The following IL1R1 variants were observed in gnomAD, a reference collection of about 807,000 sequenced individuals.
IL1R1 encodes interleukin 1 receptor type 1, also known as interleukin-1 receptor type 1.
Under a neutral mutation model 50.2 loss-of-function variants are expected in IL1R1, and 22 were observed. The ratio of observed to expected loss-of-function variants is 0.44; its 90% CI spans 0.31 to 0.63. The LOEUF is 0.63. IL1R1 is among the 20% of genes least tolerant of loss of function. The pLI, the probability that IL1R1 is intolerant of heterozygous loss-of-function variation, is 0.07. For synonymous variants in IL1R1, 251 were observed against 236.7 expected (o/e 1.06, Z -0.55); for missense variants, 509 against 676.2 (o/e 0.75, Z 2.74).
At position 102,173,014 on chromosome 2, in the gene IL1R1, G is replaced by T. The variant is rs772104184; in HGVS notation, c.991+176G>T. Among the ~76,000 whole-genome samples the T allele has an allele frequency of 1.3e-3, 200 of 152,206 alleles. 1 individual carries two copies. Among genetic ancestry groups the T allele is most frequent in the Non-Finnish European group, 2.4e-3 (166 of 68,014 alleles). ...ACTCTCTCTTCTTGGAAGCTTTTCT[G>T]TCCTGCTGCCTGCCCTTAACCCAGC... On this transcript the variant is annotated intron_variant, in intron 9 of 11. Coordinates refer to ENST00000410023, the MANE Select transcript of IL1R1 (RefSeq NM_000877.4).
At chr2:102,166,004 T>G (rs373472011) in intron 5 of IL1R1, 109 bp from the exon 6 acceptor site, 1 of 908,150 alleles carries the variant, frequency 1.1e-6, no homozygotes, top group Non-Finnish European at 1.7e-6. Context: ...CCAGTCACTT[T>G]CTAAAAATAT....
intron 3 of IL1R1, among the ~76,000 whole-genome samples, chr2:102,161,304 T>C (rs1368686420): frequency 1.3e-5 from 2 of 152,230 alleles, no homozygotes; most frequent in East Asian, 3.8e-4. Flanking sequence ...AAGTTTTGTC[T>C]AATTTGAATC....
intron 1 of IL1R1, among the ~76,000 whole-genome samples, chr2:102,122,853 A>G (rs1004392846): frequency 1.3e-5 from 2 of 152,210 alleles, no homozygotes; most frequent in Admixed American, 6.5e-5. Context: ...GACTCCATCT[A>G]TAACACATAT....
chr2:102,129,320 A>G (rs1328765717), intron 1 of IL1R1, among the ~76,000 whole-genome samples: 1 of 152,208 alleles, frequency 6.6e-6, no homozygotes, highest in African/African-American at 2.4e-5. Context: ...ACTCCTTCCC[A>G]AAGAAAAGTA....
intron 1 of IL1R1, among the ~76,000 whole-genome samples, chr2:102,135,789 G>C (rs1249786032): frequency 1.3e-5 from 2 of 152,212 alleles, no homozygotes; most frequent in Non-Finnish European, 2.9e-5. Context: ...TCCTATATCT[G>C]TTCTGTCTAA....
upstream of IL1R1, among the ~76,000 whole-genome samples, chr2:102,139,584 T>C (rs1323035960): frequency 2.0e-5 from 3 of 152,270 alleles, no homozygotes; most frequent in African/African-American, 7.2e-5. Context: ...GGGAGTTGTT[T>C]GGATCATGGG....
chr2:102,074,296 C>T (rs1329772213), intron 1 of IL1R1, among the ~76,000 whole-genome samples: 1 of 151,224 alleles, frequency 6.6e-6, no homozygotes, highest in African/African-American at 2.4e-5. Flanking sequence ...CCTGTGGATG[C>T]TTCTTTGGGC....
rs1348896763 is a variant in IL1R1, at chr2:102,176,966, T to C, written c.*207T>C. The C allele has an allele frequency of 7.2e-6, 4 of 555,228 alleles. No homozygotes were observed. The highest frequency in any genetic ancestry group is 1.3e-5 in the Non-Finnish European group (4 of 317,240). The allele number at this position is 555,228 out of a possible 1,614,324, so 34.4% of individuals were successfully genotyped here. A position where few individuals can be genotyped will look rare whatever the true frequency, so the allele number is the denominator to read the frequency against. ...CTTCAGAGTAGAGGGCTTGGGAAGA[T>C]CTTTTAAAAAGGCAGTAGGCCCGGT... On this transcript the variant is annotated 3_prime_UTR_variant, in exon 12 of 12. Transcript: ENST00000410023.
At chr2:102,153,714 C>T (rs1161613923) in intron 1 of IL1R1, among the ~76,000 whole-genome samples, 2 of 152,186 alleles carry the variant, frequency 1.3e-5, no homozygotes, top group Non-Finnish European at 2.9e-5. Context: ...TCATGTAAGA[C>T]GTGCCTACTT....
At chr2:102,127,359 G>A (rs1559476339) in intron 1 of IL1R1, among the ~76,000 whole-genome samples, 1 of 152,172 alleles carries the variant, frequency 6.6e-6, no homozygotes, top group Non-Finnish European at 1.5e-5. Flanking sequence ...AAATGGAAGA[G>A]ATTGAAAAAT....
chr2:102,151,288 C>T (rs1025658389), intron 1 of IL1R1, among the ~76,000 whole-genome samples: 2 of 152,152 alleles, frequency 1.3e-5, no homozygotes, highest in South Asian at 4.1e-4. Context: ...CCGGCCATCT[C>T]CAGACCCCAG....
At chr2:102,134,250 C>G (rs1163410071) in intron 1 of IL1R1, among the ~76,000 whole-genome samples, 1 of 80,424 alleles carries the variant, frequency 1.2e-5, no homozygotes, top group Non-Finnish European at 2.3e-5. Context: ...GTGCCTGGCA[C>G]TGTTCTTGTC....
At position 102,143,260 on chromosome 2, in the gene IL1R1, G is replaced by A. The variant is rs146882221; in HGVS notation, c.-84+240G>A. 1.8e-3 allele frequency among the ~76,000 whole-genome samples: 270 copies of A among 152,334 alleles called. 4 individuals carry two copies. The Middle Eastern group carries it at 0.048, about 27-fold the overall frequency. On this transcript the variant is annotated intron_variant, in intron 1 of 11. Transcript: ENST00000410023. ...AAGGAACTTGCCAGTTGTTCTGGAG[G>A]GGGGTTCTAGGTAGGTGTGTGACTT...
intron 1 of IL1R1, among the ~76,000 whole-genome samples, chr2:102,084,694 G>A (rs1328970561): frequency 6.6e-6 from 1 of 152,170 alleles, no homozygotes; most frequent in South Asian, 2.1e-4. Context: ...GGGCTGCTAT[G>A]AGTATTTTTG....
intron 1 of IL1R1, among the ~76,000 whole-genome samples, chr2:102,143,616 G>C (rs578113861): frequency 6.6e-6 from 1 of 152,140 alleles, no homozygotes; most frequent in Non-Finnish European, 1.5e-5. Context: ...GTTTTACAGC[G>C]GGGGAAGCAG....
upstream of IL1R1, among the ~76,000 whole-genome samples, chr2:102,138,816 C>G (rs567815765): frequency 2.0e-5 from 3 of 152,204 alleles, no homozygotes; most frequent in South Asian, 6.2e-4. Flanking sequence ...CCATAAATAA[C>G]AAAAATATGT....
intron 1 of IL1R1, among the ~76,000 whole-genome samples, chr2:102,151,302 C>T (rs1473566215): frequency 6.6e-6 from 1 of 152,092 alleles, no homozygotes; most frequent in Non-Finnish European, 1.5e-5. Flanking sequence ...ACCCCAGTGA[C>T]GGTTCCCTTG....
At chr2:102,117,193 C>T (rs950438054) in intron 1 of IL1R1, among the ~76,000 whole-genome samples, 4 of 152,204 alleles carry the variant, frequency 2.6e-5, no homozygotes, top group African/African-American at 9.6e-5. Context: ...CATGGTGCCT[C>T]CTCTGTCTAT....
At chr2:102,070,826 A>C (rs1678682994) in intron 1 of IL1R1, among the ~76,000 whole-genome samples, 1 of 152,040 alleles carries the variant, frequency 6.6e-6, no homozygotes, top group South Asian at 2.1e-4. Context: ...CCCCTCCCTC[A>C]TGACACTCAT....
Sources: gnomAD v4.1 joint callset for allele counts (sites outside exome capture counted in the v4.1 genomes callset) on GRCh38, gnomAD v4.1.1 for gene constraint, MANE v1.5 for transcripts, NCBI Gene and HGNC (gene_info 2026-07-23, HGNC 2026-07-21) for gene names.